Variants in MSH3 observed in about 807,000 individuals in gnomAD.
MSH3 encodes DNA mismatch repair protein Msh3.
In MSH3, 106 loss-of-function variants were observed where a neutral mutation model predicts 123.3. That is an observed-to-expected ratio of 0.86 (90% CI 0.73 to 1.01). The LOEUF (loss-of-function observed/expected upper bound fraction) is 1.01. Among genes scored for constraint, MSH3 ranks in the 50% least tolerant of loss-of-function variants. The pLI is 0.00. For missense variants in MSH3, 1,459 were observed against 1,347.6 expected (o/e 1.08, Z -1.29); for synonymous variants, 515 against 481.4 (o/e 1.07, Z -0.91).
At chr5:80,671,506 A>T (rs1378030927) in intron 4 of MSH3, among the ~76,000 whole-genome samples, 1 of 152,214 alleles carries the variant, frequency 6.6e-6, no homozygotes, top group Non-Finnish European at 1.5e-5. Flanking sequence ...GGGCAGGAAC[A>T]AATATGTAGT....
At chr5:80,675,175 C>G in intron 7 of MSH3, 47 bp downstream of exon 7, 1 of 1,581,576 alleles carries the variant, frequency 6.3e-7, no homozygotes, top group Non-Finnish European at 8.7e-7. Flanking sequence ...TTCATGGTAT[C>G]TCTAAATATG....
chr5:80,839,957 T>C (rs1745586228), intron 20 of MSH3, among the ~76,000 whole-genome samples: 1 of 152,180 alleles, frequency 6.6e-6, no homozygotes, highest in Admixed American at 6.5e-5. Flanking sequence ...GTTAACATTA[T>C]ATTCATATAA....
intron 12 of MSH3, among the ~76,000 whole-genome samples, chr5:80,745,537 A>T (rs899449942): frequency 3.9e-5 from 6 of 152,248 alleles, no homozygotes; most frequent in African/African-American, 1.4e-4. Flanking sequence ...TATAAGATTT[A>T]AAACCAGCAT....
intron 8 of MSH3, among the ~76,000 whole-genome samples, chr5:80,698,946 A>C (rs1002581201): frequency 2.9e-4 from 44 of 152,200 alleles, no homozygotes; most frequent in Non-Finnish European, 5.1e-4. Context: ...AACTTAAAGT[A>C]TAATAAAAAT....
At chr5:80,802,944 T>C (rs1053011638) in intron 19 of MSH3, among the ~76,000 whole-genome samples, 1 of 152,192 alleles carries the variant, frequency 6.6e-6, no homozygotes, top group Non-Finnish European at 1.5e-5. Flanking sequence ...CATTGTGTAG[T>C]GTACCACATT....
At chr5:80,768,362 G>A (rs1184334928) in intron 14 of MSH3, among the ~76,000 whole-genome samples, 7 of 152,060 alleles carry the variant, frequency 4.6e-5, no homozygotes, top group African/African-American at 1.7e-4. Context: ...TCAGATGATG[G>A]AAAGGTAAAA....
At chr5:80,851,512 T>C (rs574370877) in intron 20 of MSH3, among the ~76,000 whole-genome samples, 18 of 152,334 alleles carry the variant, frequency 1.2e-4, no homozygotes, top group South Asian at 2.1e-4. Context: ...CACCATTTTG[T>C]TTCGCTTTGT....
At position 80,672,846 on chromosome 5, in the gene MSH3, C is replaced by A; in HGVS notation, c.1015C>A (p.Leu339Ile). 1 of 1,609,440 alleles carries A rather than the reference C, an allele frequency of 6.2e-7. No homozygotes were observed. Among genetic ancestry groups the A allele is most frequent in the Non-Finnish European group, 8.5e-7 (1 of 1,175,690 alleles). The change falls in exon 6 of 24, where the codon CTT (leucine) becomes ATT (isoleucine). Residue 339 changes from leucine to isoleucine, a missense_variant. By Grantham distance (5) the Leu-to-Ile change is conservative. Transcript: ENST00000265081. The part of the protein sequence containing the change: ...KLTALYTKST[L>I]IGEDVNPLIK... Reference sequence around the variant, plus strand: ...GACTGCCCTTTATACAAAATCTACACTTATTGGAGAAGATATCCTTTTTGG... The same window carrying A: ...GACTGCCCTTTATACAAAATCTACAATTATTGGAGAAGATATCCTTTTTGG...
chr5:80,713,642 T>C (rs1166597770), intron 8 of MSH3, among the ~76,000 whole-genome samples: 1 of 152,208 alleles, frequency 6.6e-6, no homozygotes, highest in Non-Finnish European at 1.5e-5. Flanking sequence ...CATAGATAAC[T>C]TAATTTTTTT....
In MSH3 at chr5:80,665,299, T is replaced by G; in HGVS notation, c.515T>G (p.Ile172Ser). 1 of 1,613,836 alleles carries G rather than the reference T, an allele frequency of 6.2e-7. No individual in the cohort carries two copies. Among genetic ancestry groups the G allele is most frequent in the Non-Finnish European group, 8.5e-7 (1 of 1,179,998 alleles). ...CCAAAATGTACTGATTTTGATGATA[T>G]CAGTCTTCTACACGCAAAGAATGCA... Reference protein sequence around the residue: ...VLPKCTDFDDISLLHAKNAVS... With the variant: ...VLPKCTDFDDSSLLHAKNAVS... The change falls in exon 3 of 24, where the codon ATC becomes AGC. Residue 172 changes from isoleucine to serine, a missense_variant. By Grantham distance (142) the Ile-to-Ser change is moderately radical. Coordinates refer to ENST00000265081, the MANE Select transcript of MSH3 (RefSeq NM_002439.5).
rs1049679865 is a variant in MSH3 at position 80,654,836 on chromosome 5, ACCT to A, written c.118_120del (p.Ser40del). On this transcript the variant is annotated inframe_deletion, in exon 1 of 24. Transcript: ENST00000265081. ...CCAGTCTACGGGAAGCCTGAAATCC[ACCT>A]CCTCCTCCACAGGTGCAGCCGACCA... 4 of 1,602,260 alleles carry A rather than the reference ACCT, an allele frequency of 2.5e-6. No homozygotes were observed. The highest frequency in any genetic ancestry group is 3.4e-6 in the Non-Finnish European group (4 of 1,175,842).
At chr5:80,813,496 C>T (rs1745044425) in intron 19 of MSH3, 88 bp from the exon 20 acceptor site, 1 of 1,314,228 alleles carries the variant, frequency 7.6e-7, no homozygotes, top group Non-Finnish European at 1.1e-6. Context: ...TAATGTTTTG[C>T]CTAATGCATT....
rs369384745 is a variant in MSH3, at chr5:80,658,035, C to CCTTTTTTTTTTTTTTTTTT, written c.358+1504_358+1505insCTTTTTTTTTTTTTTTTTT. 3.4e-5 allele frequency among the ~76,000 whole-genome samples: 3 copies of CCTTTTTTTTTTTTTTTTTT among 87,218 alleles called. 1 individual carries two copies. The highest frequency in any genetic ancestry group is 2.2e-5 in the Non-Finnish European group (1 of 45,018). The allele number at this position is 87,218 out of a possible 152,430, so 57.2% of individuals were successfully genotyped here. A position where few individuals can be genotyped will look rare whatever the true frequency, so the allele number is the denominator to read the frequency against. ...ATTTTTCCTAAGAATGCTTTTTGCCCTCTTTTTTTTTTTTTGAGATAGGGT... is the reference window on the plus strand; with the variant it reads ...ATTTTTCCTAAGAATGCTTTTTGCCCCTTTTTTTTTTTTTTTTTTTCTTTTTTTTTTTTTGAGATAGGGT... On this transcript the variant is annotated intron_variant, in intron 2 of 23. Transcript: ENST00000265081.
intron 19 of MSH3, among the ~76,000 whole-genome samples, chr5:80,798,832 G>A (rs1443703221): frequency 1.3e-5 from 2 of 152,106 alleles, no homozygotes; most frequent in African/African-American, 4.8e-5. Context: ...TCTCTTACCT[G>A]TCTGCATTGA....
chr5:80,668,723 G>A (rs560209212), intron 3 of MSH3, among the ~76,000 whole-genome samples: 38 of 152,260 alleles, frequency 2.5e-4, no homozygotes, highest in African/African-American at 8.4e-4. Flanking sequence ...AGAGATGCCC[G>A]GGTCCACAGC....
Position 80,778,750 on chromosome 5 carries a change from T to A in MSH3, c.2349T>A (p.Pro783=). 1 of 1,612,218 alleles carries A rather than the reference T, an allele frequency of 6.2e-7. No homozygotes were observed. Among genetic ancestry groups the A allele is most frequent in the South Asian group, 1.1e-5 (1 of 91,038 alleles). Residue 783 remains proline, a synonymous_variant, in exon 17 of 24, where the codon CCT becomes CCA. Transcript: ENST00000265081. The part of the protein sequence containing the change: ...STKAVSRFHS[P]FIVENYRHLN... ...AAGCTGTGAGCCGCTTTCACTCTCCTTTTATTGTAGAAAATTACAGACATC... is the reference window on the plus strand; with the variant it reads ...AAGCTGTGAGCCGCTTTCACTCTCCATTTATTGTAGAAAATTACAGACATC...
In MSH3 at chr5:80,875,916, CA is replaced by C; in HGVS notation, c.*58del. On this transcript the variant is annotated 3_prime_UTR_variant, in exon 24 of 24. Transcript: ENST00000265081. ...TGGAGAATTAAAAATACCAACTGTA[CA>C]AAATAACTCTCCAGTAACAGCCTAT... 1 of 1,053,020 alleles carries C rather than the reference CA, an allele frequency of 9.5e-7. No individual in the cohort carries two copies. Among genetic ancestry groups the C allele is most frequent in the South Asian group, 1.3e-5 (1 of 76,216 alleles). 65.2% of individuals were successfully genotyped at this position (1,053,020 alleles called of 1,614,324 possible). A position where few individuals can be genotyped will look rare whatever the true frequency, so the allele number is the denominator to read the frequency against.
At chr5:80,666,168 T>C (rs1295675315) in intron 3 of MSH3, among the ~76,000 whole-genome samples, 1 of 152,196 alleles carries the variant, frequency 6.6e-6, no homozygotes, top group East Asian at 1.9e-4. Context: ...CAAGCAATCC[T>C]CCCACCTTAG....
chr5:80,864,758 T>C (rs1182307325), intron 21 of MSH3, 55 bp from the exon 22 acceptor site: 1 of 1,496,270 alleles, frequency 6.7e-7, no homozygotes, highest in African/African-American at 1.4e-5. Context: ...AGACAGATTT[T>C]AATTACAATA....
Sources: allele counts gnomAD v4.1 joint callset (sites outside exome capture counted in the v4.1 genomes callset), GRCh38; gene constraint gnomAD v4.1.1; transcripts MANE v1.5; gene names NCBI Gene and HGNC (gene_info 2026-07-23, HGNC 2026-07-21).